The following RTF1 variants were observed in gnomAD, a reference collection of about 807,000 sequenced individuals.
RTF1 encodes RTF1 homolog, Paf1/RNA polymerase II complex component, also known as RNA polymerase-associated protein RTF1 homolog.
A neutral mutation model predicts 95.7 loss-of-function variants in RTF1; 10 were observed. The ratio of observed to expected loss-of-function variants is 0.10; its 90% CI spans 0.06 to 0.18. The LOEUF is 0.18. Among genes scored for constraint, RTF1 ranks in the 10% least tolerant of loss-of-function variants. The pLI is 1.00. For missense variants in RTF1, 458 were observed against 875.6 expected (o/e 0.52, Z 6.02); for synonymous variants, 305 against 311.8 (o/e 0.98, Z 0.23).
chr15:41,433,614 C>A (rs1325981978), intron 1 of RTF1, among the ~76,000 whole-genome samples: 2 of 152,038 alleles, frequency 1.3e-5, no homozygotes, highest in African/African-American at 2.4e-5. Context: ...AGCCACTGCA[C>A]CCAGCCCAGA....
rs1220179258 is a variant in RTF1 at position 41,476,533 on chromosome 15, T to G, written c.1560+10T>G. 6.2e-7 allele frequency: 1 copy of G among 1,609,366 alleles called. No individual in the cohort carries two copies. Among genetic ancestry groups the G allele is most frequent in the African/African-American group, 1.3e-5 (1 of 74,854 alleles). Reference sequence around the variant, plus strand: ...GCTACTGAAGGAAAAGGTAAGGAGTTGTACTCGAGCCTCTTTCCTCATCCT... The same window carrying G: ...GCTACTGAAGGAAAAGGTAAGGAGTGGTACTCGAGCCTCTTTCCTCATCCT... On this transcript the variant is annotated intron_variant, in intron 12 of 17. Coordinates refer to ENST00000389629, the MANE Select transcript of RTF1 (RefSeq NM_015138.5).
intron 1 of RTF1, among the ~76,000 whole-genome samples, chr15:41,417,818 T>G (rs192188123): frequency 1.8e-4 from 27 of 152,252 alleles, no homozygotes; most frequent in Non-Finnish European, 3.4e-4. Flanking sequence ...TCGTAAATGT[T>G]CCTAGGAGCC....
At position 41,483,170 on chromosome 15, in the gene RTF1, C is replaced by G. The variant is rs578035427; in HGVS notation, c.*2483C>G. On this transcript the variant is annotated 3_prime_UTR_variant, in exon 18 of 18. Coordinates refer to ENST00000389629, the MANE Select transcript of RTF1 (RefSeq NM_015138.5). Reference sequence around the variant, plus strand: ...TCTCCAATCTCAGCTGAGGCAGTGCCTCTGAACCAAGATCTTGGTCAGGCA... The same window carrying G: ...TCTCCAATCTCAGCTGAGGCAGTGCGTCTGAACCAAGATCTTGGTCAGGCA... 1.9e-4 allele frequency: 29 copies of G among 152,672 alleles called. No homozygotes were observed. The highest frequency in any genetic ancestry group is 7.0e-4 in the African/African-American group (29 of 41,528). The allele number at this position is 152,672 out of a possible 1,614,324, so 9.5% of individuals were successfully genotyped here.
chr15:41,468,188 A>AGCTCCGCCTCCTGGGTTCACGCCATTC (rs2050890068), intron 6 of RTF1, among the ~76,000 whole-genome samples: 7 of 150,088 alleles, frequency 4.7e-5, no homozygotes, highest in African/African-American at 1.8e-4. Context: ...AAAAGAAATA[A>AGCTCCGCCTCCTGGGTTCACGCCATTC]TAACGTGTTC....
At chr15:41,440,799 C>A (rs899922076) in intron 2 of RTF1, among the ~76,000 whole-genome samples, 1 of 151,592 alleles carries the variant, frequency 6.6e-6, no homozygotes, top group Non-Finnish European at 1.5e-5. Context: ...AAAGTTTATT[C>A]TTTTGTTTAT....
intron 1 of RTF1, among the ~76,000 whole-genome samples, chr15:41,435,531 G>A (rs970409109): frequency 6.6e-6 from 1 of 152,030 alleles, no homozygotes; most frequent in Non-Finnish European, 1.5e-5. Flanking sequence ...TTTGCATTTG[G>A]TCCATAGAGT....
chr15:41,452,801 A>G, intron 2 of RTF1, 100 bp from the exon 3 acceptor site: 1 of 903,664 alleles, frequency 1.1e-6, no homozygotes, highest in Non-Finnish European at 1.6e-6. Flanking sequence ...TTTTGGATTC[A>G]AAGATGAATG....
At chr15:41,428,824 C>T (rs1261653067) in intron 1 of RTF1, among the ~76,000 whole-genome samples, 1 of 152,056 alleles carries the variant, frequency 6.6e-6, no homozygotes, top group East Asian at 1.9e-4. Flanking sequence ...TGCAACCTCT[C>T]TGCCTCCTGG....
intron 1 of RTF1, among the ~76,000 whole-genome samples, chr15:41,429,237 T>C (rs1306796185): frequency 1.3e-5 from 2 of 152,146 alleles, no homozygotes; most frequent in Non-Finnish European, 1.5e-5. Context: ...AGTTTTGCTA[T>C]GAAAGGGACA....
intron 1 of RTF1, among the ~76,000 whole-genome samples, chr15:41,419,232 A>G (rs2050588504): frequency 6.6e-6 from 1 of 152,226 alleles, no homozygotes; most frequent in African/African-American, 2.4e-5. Context: ...TTCATCTACA[A>G]ATGTGAATGT....
chr15:41,425,608 A>G (rs2050624944), intron 1 of RTF1, among the ~76,000 whole-genome samples: 1 of 152,112 alleles, frequency 6.6e-6, no homozygotes, highest in South Asian at 2.1e-4. Flanking sequence ...ATTAGAATGG[A>G]AGCGCCAGGA....
chr15:41,468,606 CG>C (rs1191869224), intron 6 of RTF1, among the ~76,000 whole-genome samples: 1 of 152,154 alleles, frequency 6.6e-6, no homozygotes, highest in African/African-American at 2.4e-5. Flanking sequence ...TGTGAGCCAC[CG>C]CACCCGGCCT....
chr15:41,447,754 A>G (rs2050770731), intron 2 of RTF1, among the ~76,000 whole-genome samples: 2 of 152,062 alleles, frequency 1.3e-5, no homozygotes, highest in Admixed American at 6.6e-5. Flanking sequence ...TGGCCTCTGT[A>G]CTTGGTTCAG....
chr15:41,480,767 CTT>C lies in RTF1; in HGVS notation c.*82_*83del. ...TTCCTCCTTTCCTTTGATTTAGCCTCTTTGGGCTGGAGCAGCTGTTGAACTGG... is the reference window on the plus strand; with the variant it reads ...TTCCTCCTTTCCTTTGATTTAGCCTCTGGGCTGGAGCAGCTGTTGAACTGG... On this transcript the variant is annotated 3_prime_UTR_variant, in exon 18 of 18. Transcript: ENST00000389629. 1 of 1,027,238 alleles carries C rather than the reference CTT, an allele frequency of 9.7e-7. No individual in the cohort carries two copies. Among genetic ancestry groups the C allele is most frequent in the South Asian group, 1.3e-5 (1 of 76,334 alleles). The allele number at this position is 1,027,238 out of a possible 1,614,324, so 63.6% of individuals were successfully genotyped here. A position where few individuals can be genotyped will look rare whatever the true frequency, so the allele number is the denominator to read the frequency against.
chr15:41,478,410 TAAAAA>T (rs397945744), intron 14 of RTF1, 133 bp from the exon 15 acceptor site: 1 of 535,606 alleles, frequency 1.9e-6, no homozygotes, highest in South Asian at 2.4e-5. Context: ...CAAAAAAAAT[TAAAAA>T]AAAAAAAAAA....
intron 2 of RTF1, among the ~76,000 whole-genome samples, chr15:41,445,929 G>A (rs1333627185): frequency 6.6e-6 from 1 of 151,902 alleles, no homozygotes; most frequent in African/African-American, 2.4e-5. Flanking sequence ...GTAGAGACGG[G>A]GTTTCACTAT....
intron 1 of RTF1, among the ~76,000 whole-genome samples, chr15:41,433,484 G>A (rs1038554515): frequency 8.6e-5 from 13 of 151,678 alleles, no homozygotes; most frequent in East Asian, 5.9e-4. Flanking sequence ...ACAGGCGTGC[G>A]CCACCATGCC....
At chr15:41,467,715 A>T (rs1254738452) in intron 6 of RTF1, among the ~76,000 whole-genome samples, 1 of 146,976 alleles carries the variant, frequency 6.8e-6, no homozygotes, top group Non-Finnish European at 1.5e-5. Flanking sequence ...ACTCAATCTT[A>T]AAAAAAAAAC....
chr15:41,482,560 G>A lies in RTF1; in HGVS notation c.*1873G>A, dbSNP rs2140662599. ...TTTTTTTTATTTTTAAAGCAGCAATGGATGGTTTTAAAGGAGTATTATGAT... is the reference window on the plus strand; with the variant it reads ...TTTTTTTTATTTTTAAAGCAGCAATAGATGGTTTTAAAGGAGTATTATGAT... On this transcript the variant is annotated 3_prime_UTR_variant, in exon 18 of 18. Coordinates refer to ENST00000389629, the MANE Select transcript of RTF1 (RefSeq NM_015138.5). The A allele has an allele frequency of 1.3e-5, 2 of 152,612 alleles. No homozygotes were observed. Among genetic ancestry groups the A allele is most frequent in the South Asian group, 2.1e-4 (1 of 4,822 alleles). The allele number at this position is 152,612 out of a possible 1,614,324, so 9.5% of individuals were successfully genotyped here. A position where few individuals can be genotyped will look rare whatever the true frequency, so the allele number is the denominator to read the frequency against.
Sources: gnomAD v4.1 joint callset for allele counts (sites outside exome capture counted in the v4.1 genomes callset) on GRCh38, gnomAD v4.1.1 for gene constraint, MANE v1.5 for transcripts, NCBI Gene and HGNC (gene_info 2026-07-23, HGNC 2026-07-21) for gene names.